Variants in CNTN5 observed in about 807,000 individuals in gnomAD.
CNTN5 encodes contactin-5.
A neutral mutation model predicts 129.1 loss-of-function variants in CNTN5; 77 were observed. The ratio of observed to expected loss-of-function variants is 0.60; its 90% CI spans 0.50 to 0.72. The LOEUF (loss-of-function observed/expected upper bound fraction) is 0.72, where lower values mean the gene tolerates loss of function less well. Ranked by LOEUF, CNTN5 falls within the 30% of genes least tolerant of loss-of-function variation. CNTN5 has a pLI of 0.00. For missense variants in CNTN5, 1,478 were observed against 1,328.8 expected (o/e 1.11, Z -1.75); for synonymous variants, 509 against 465.6 (o/e 1.09, Z -1.20).
intron 23 of CNTN5, among the ~76,000 whole-genome samples, chr11:100,349,861 ATCT>A (rs1461622720): frequency 6.6e-6 from 1 of 151,802 alleles, no homozygotes; most frequent in African/African-American, 2.4e-5. Context: ...TCAAATATAA[ATCT>A]TCTGATGAGA....
intron 9 of CNTN5, among the ~76,000 whole-genome samples, chr11:100,006,354 GC>G (rs1451125689): frequency 1.3e-5 from 2 of 152,054 alleles, no homozygotes; most frequent in East Asian, 3.9e-4. Context: ...AGCTTATGAT[GC>G]TGTTAGATAG....
intron 2 of CNTN5, among the ~76,000 whole-genome samples, chr11:99,403,119 GC>G (rs1420772314): frequency 9.1e-6 from 1 of 109,822 alleles, no homozygotes; most frequent in Non-Finnish European, 1.8e-5. Context: ...CCATTCTCCT[GC>G]CTTAGCCTCC....
chr11:99,772,070 TA>T (rs538434561), intron 3 of CNTN5, among the ~76,000 whole-genome samples: 7 of 56,888 alleles, frequency 1.2e-4, no homozygotes, highest in Admixed American at 3.7e-4. Context: ...ACTTCTGAGG[TA>T]TTTTTTTTTT....
chr11:100,293,348 T>C (rs1254280585), intron 18 of CNTN5, among the ~76,000 whole-genome samples: 1 of 151,756 alleles, frequency 6.6e-6, no homozygotes, highest in Non-Finnish European at 1.5e-5. Flanking sequence ...TTCAAATAGG[T>C]ATTTTGCCTA....
chr11:99,889,043 A>C (rs557572211), intron 6 of CNTN5, among the ~76,000 whole-genome samples: 24 of 152,302 alleles, frequency 1.6e-4, no homozygotes, highest in African/African-American at 5.8e-4. Context: ...TCATCATCAT[A>C]ATCATGATTA....
intron 2 of CNTN5, among the ~76,000 whole-genome samples, chr11:99,465,007 C>T (rs1379122497): frequency 6.6e-6 from 1 of 152,010 alleles, no homozygotes; most frequent in Non-Finnish European, 1.5e-5. Flanking sequence ...GCAAGATAAC[C>T]AAATATTCTG....
At chr11:99,607,060 A>T (rs1950443720) in intron 3 of CNTN5, among the ~76,000 whole-genome samples, 1 of 118,224 alleles carries the variant, frequency 8.5e-6, no homozygotes, top group Non-Finnish European at 1.8e-5. Context: ...TGTCCAAAAC[A>T]CCAAAAGCAA....
chr11:99,573,416 A>G (rs1949239952), intron 3 of CNTN5, among the ~76,000 whole-genome samples: 1 of 151,584 alleles, frequency 6.6e-6, no homozygotes, highest in Admixed American at 6.6e-5. Context: ...TAAAAATACA[A>G]AAAATTAGCC....
chr11:100,338,182 C>T (rs776501305), intron 21 of CNTN5, among the ~76,000 whole-genome samples: 3 of 152,212 alleles, frequency 2.0e-5, no homozygotes, highest in Non-Finnish European at 2.9e-5. Flanking sequence ...CTTCCTTCTT[C>T]CTCCTTCCAT....
chr11:99,138,336 G>C (rs1859337772), intron 1 of CNTN5, among the ~76,000 whole-genome samples: 1 of 152,188 alleles, frequency 6.6e-6, no homozygotes, highest in Non-Finnish European at 1.5e-5. Flanking sequence ...ATGTTAAGCA[G>C]AGGTAAAACA....
chr11:99,398,887 C>G (rs1370865483), intron 2 of CNTN5, among the ~76,000 whole-genome samples: 1 of 151,584 alleles, frequency 6.6e-6, no homozygotes. Flanking sequence ...GCCTTTTTTG[C>G]TCTCCTTTTG....
At chr11:99,145,377 CTT>C (rs56245559) in intron 1 of CNTN5, among the ~76,000 whole-genome samples, 1 of 149,910 alleles carries the variant, frequency 6.7e-6, no homozygotes, top group South Asian at 2.1e-4. Flanking sequence ...ACCAGAAACA[CTT>C]TTTTTTTTCT....
chr11:99,894,470 A>G (rs1349374332), intron 6 of CNTN5, among the ~76,000 whole-genome samples: 1 of 138,444 alleles, frequency 7.2e-6, no homozygotes, highest in African/African-American at 2.7e-5. Flanking sequence ...TCTAACTACA[A>G]CTGAAAAAAA....
At chr11:99,663,042 CAT>C (rs1283369565) in intron 3 of CNTN5, among the ~76,000 whole-genome samples, 2 of 152,194 alleles carry the variant, frequency 1.3e-5, no homozygotes, top group African/African-American at 4.8e-5. Context: ...CATTAGTTCA[CAT>C]GAGTAGTACT....
At chr11:99,636,502 T>A (rs1190830730) in intron 3 of CNTN5, among the ~76,000 whole-genome samples, 1 of 152,120 alleles carries the variant, frequency 6.6e-6, no homozygotes, top group East Asian at 1.9e-4. Flanking sequence ...ATGACCTTTC[T>A]TTTCCTTTTC....
At chr11:99,214,431 A>G (rs1248609397) in intron 1 of CNTN5, among the ~76,000 whole-genome samples, 1 of 149,394 alleles carries the variant, frequency 6.7e-6, no homozygotes, top group Non-Finnish European at 1.5e-5. Flanking sequence ...CTAAAGCAGT[A>G]TAGTATAATG....
At chr11:99,700,144 C>A (rs893694732) in intron 3 of CNTN5, among the ~76,000 whole-genome samples, 1 of 151,330 alleles carries the variant, frequency 6.6e-6, no homozygotes, top group African/African-American at 2.4e-5. Context: ...CAGAGAAAAA[C>A]ACTTTTTAAT....
chr11:99,115,139 C>T (rs1007236939), intron 1 of CNTN5, among the ~76,000 whole-genome samples: 1 of 152,112 alleles, frequency 6.6e-6, no homozygotes, highest in Non-Finnish European at 1.5e-5. Flanking sequence ...AAATAAATTT[C>T]TGTTGTCTAT....
intron 4 of CNTN5, among the ~76,000 whole-genome samples, chr11:99,833,302 C>T (rs1418502851): frequency 6.6e-6 from 1 of 152,042 alleles, no homozygotes; most frequent in Admixed American, 6.6e-5. Context: ...GTCTCCATAA[C>T]AAGATAATAT....
Sources: allele counts gnomAD v4.1 joint callset (sites outside exome capture counted in the v4.1 genomes callset), GRCh38; gene constraint gnomAD v4.1.1; transcripts MANE v1.5; gene names NCBI Gene and HGNC (gene_info 2026-07-23, HGNC 2026-07-21).